FAT4: variants seen among roughly 807,000 people sequenced by gnomAD.
FAT4 encodes FAT atypical cadherin 4, also known as protocadherin Fat 4.
In FAT4, 84 loss-of-function variants were observed where a neutral mutation model predicts 303.9. That is an observed-to-expected ratio of 0.28 (90% CI 0.23 to 0.33). The LOEUF (loss-of-function observed/expected upper bound fraction) is 0.33. FAT4 is among the 10% of genes least tolerant of loss of function. The pLI, the probability that FAT4 is intolerant of heterozygous loss-of-function variation, is 1.00. For missense variants in FAT4, 6,005 were observed against 6,146.8 expected (o/e 0.98, Z 0.77); for synonymous variants, 2,307 against 2,298.8 (o/e 1.00, Z -0.10).
At chr4:125,381,179 G>A (rs186940574) in intron 2 of FAT4, among the ~76,000 whole-genome samples, 1 of 152,280 alleles carries the variant, frequency 6.6e-6, no homozygotes, top group African/African-American at 2.4e-5. Flanking sequence ...TACCCAGTTA[G>A]TCAGTCTCTT....
At chr4:125,446,073 T>G (rs555340746) in intron 8 of FAT4, 1 of 412,780 alleles carries the variant, frequency 2.4e-6, no homozygotes, top group South Asian at 3.5e-5. Flanking sequence ...GAAGACTTCC[T>G]TGACATCACT....
At chr4:125,407,166 A>G (rs1202653052) in intron 4 of FAT4, 25 bp downstream of exon 4, 10 of 1,577,874 alleles carry the variant, frequency 6.3e-6, no homozygotes, top group African/African-American at 1.4e-5. Context: ...TCTTATGTGT[A>G]TTTTGCAAGA....
intron 8 of FAT4, among the ~76,000 whole-genome samples, chr4:125,435,467 T>A (rs2126045137): frequency 6.6e-6 from 1 of 152,316 alleles, no homozygotes; most frequent in South Asian, 2.1e-4. Flanking sequence ...TATACGGATA[T>A]GGTAATGAGC....
intron 7 of FAT4, among the ~76,000 whole-genome samples, chr4:125,425,274 A>G (rs889087603): frequency 6.6e-6 from 1 of 152,146 alleles, no homozygotes; most frequent in Non-Finnish European, 1.5e-5. Context: ...AAACTAAACA[A>G]CTTGTACTGC....
Position 125,491,064 on chromosome 4 carries a change from A to C in FAT4, c.14248A>C (p.Arg4750=). Residue 4750 remains arginine (R), a synonymous_variant, in exon 18 of 18, where the codon AGG becomes CGG. Transcript: ENST00000394329. ...CQPGIFNYAT[R]LGRRSKSPQA... is the part of the protein sequence containing the mutation. ...ACCTGGCATTTTCAACTATGCCACA[A>C]GGCTGGGAAGGAGAAGCAAGAGTCC... The C allele has an allele frequency of 6.2e-7, 1 of 1,614,204 alleles. No homozygotes were observed. The highest frequency in any genetic ancestry group is 8.5e-7 in the Non-Finnish European group (1 of 1,180,040).
At position 125,487,657 on chromosome 4, in the gene FAT4, A is replaced by G. The variant is rs1412119727; in HGVS notation, c.13084+51A>G. ...ACAAGGGAAGTAAAATTGTTCTTCA[A>G]AAAGTAATTGCTTTTTCTTGTGGCA... On this transcript the variant is annotated intron_variant, in intron 17 of 17. Transcript: ENST00000394329. 2.6e-6 allele frequency: 4 copies of G among 1,510,912 alleles called. 1 individual carries two copies. In the South Asian group the frequency reaches 5.5e-5, roughly 21 times the overall value. 93.6% of individuals were successfully genotyped at this position (1,510,912 alleles called of 1,614,324 possible).
intron 2 of FAT4, among the ~76,000 whole-genome samples, chr4:125,325,275 C>A (rs1263113494): frequency 6.6e-6 from 1 of 152,066 alleles, no homozygotes; most frequent in Non-Finnish European, 1.5e-5. Flanking sequence ...AAATATCAGG[C>A]ATTGATCATT....
At chr4:125,330,459 G>T (rs546537094) in intron 2 of FAT4, among the ~76,000 whole-genome samples, 1 of 152,302 alleles carries the variant, frequency 6.6e-6, no homozygotes, top group South Asian at 2.1e-4. Flanking sequence ...TCACTGAGGA[G>T]CTCAACCAAT....
chr4:125,410,137 T>A (rs1258084483), intron 5 of FAT4, among the ~76,000 whole-genome samples: 1 of 152,100 alleles, frequency 6.6e-6, no homozygotes, highest in Non-Finnish European at 1.5e-5. Context: ...AATACTTTCT[T>A]TAGAATTCAT....
At chr4:125,469,464 G>A (rs1394018815) in intron 12 of FAT4, among the ~76,000 whole-genome samples, 1 of 152,178 alleles carries the variant, frequency 6.6e-6, no homozygotes, top group Non-Finnish European at 1.5e-5. Context: ...ACCCACAGAT[G>A]AAATTGTTTC....
At chr4:125,446,246 G>A (rs959713532) in intron 8 of FAT4, 47 bp from the exon 9 acceptor site, 34 of 1,479,498 alleles carry the variant, frequency 2.3e-5, no homozygotes, top group African/African-American at 1.1e-4. Flanking sequence ...TAGAAGTTAC[G>A]ATATTAAAAC....
intron 2 of FAT4, among the ~76,000 whole-genome samples, chr4:125,339,933 A>T (rs1252052371): frequency 6.6e-6 from 1 of 152,148 alleles, no homozygotes; most frequent in Non-Finnish European, 1.5e-5. Context: ...TAATTGTATA[A>T]TTGTATATGT....
intron 2 of FAT4, among the ~76,000 whole-genome samples, chr4:125,375,949 C>T (rs1013906525): frequency 2.6e-5 from 4 of 152,146 alleles, no homozygotes; most frequent in African/African-American, 9.7e-5. Flanking sequence ...GTTGTTGAGG[C>T]TTATAAAAGG....
At chr4:125,385,276 G>A (rs1289547682) in intron 2 of FAT4, among the ~76,000 whole-genome samples, 1 of 151,908 alleles carries the variant, frequency 6.6e-6, no homozygotes, top group East Asian at 1.9e-4. Flanking sequence ...ACCTGCCTCG[G>A]CCTCCCAAAG....
chr4:125,367,565 G>A (rs1732931188), intron 2 of FAT4, among the ~76,000 whole-genome samples: 1 of 152,088 alleles, frequency 6.6e-6, no homozygotes, highest in Non-Finnish European at 1.5e-5. Flanking sequence ...GAGTCAATAT[G>A]TAAATACACA....
intron 12 of FAT4, among the ~76,000 whole-genome samples, chr4:125,472,926 G>A (rs1052843252): frequency 2.0e-5 from 3 of 152,030 alleles, no homozygotes; most frequent in African/African-American, 4.8e-5. Context: ...AACAACAGAA[G>A]TATTGTATGG....
Position 125,480,258 on chromosome 4 carries a change from T to A in FAT4, c.12604+393T>A, listed in dbSNP as rs72675383. On this transcript the variant is annotated intron_variant, in intron 15 of 17. Coordinates refer to ENST00000394329, the MANE Select transcript of FAT4 (RefSeq NM_001291303.3). Reference sequence around the variant, plus strand: ...TGCATAAAAAGGTATACACACTAAATCACTCAACACTGAGATCAAAACATC... The same window carrying A: ...TGCATAAAAAGGTATACACACTAAAACACTCAACACTGAGATCAAAACATC... 3.3e-3 allele frequency among the ~76,000 whole-genome samples: 499 copies of A among 152,242 alleles called. 2 individuals are homozygous for A. The highest frequency in any genetic ancestry group is 5.3e-3 in the Non-Finnish European group (362 of 67,984).
At chr4:125,422,786 A>G (rs1724951879) in intron 7 of FAT4, among the ~76,000 whole-genome samples, 1 of 152,212 alleles carries the variant, frequency 6.6e-6, no homozygotes, top group Non-Finnish European at 1.5e-5. Flanking sequence ...AGAGACTGGA[A>G]CAGTTTGGAG....
chr4:125,319,403 C>G lies in FAT4; in HGVS notation c.2992C>G (p.Gln998Glu), dbSNP rs1452262247. The change falls in exon 2 of 18, where the codon CAA becomes GAA. Residue 998 changes from glutamine to glutamate, a missense_variant. Coordinates refer to ENST00000394329, the MANE Select transcript of FAT4 (RefSeq NM_001291303.3). Reference protein sequence around the residue: ...DVNDNSPVFDQLSYEVTLSES... With the variant: ...DVNDNSPVFDELSYEVTLSES... ...AAATGACAATTCACCAGTGTTTGAC[C>G]AACTCTCTTATGAAGTCACCCTTTC... 6.2e-7 allele frequency: 1 copy of G among 1,613,306 alleles called. No homozygotes were observed. The highest frequency in any genetic ancestry group is 8.5e-7 in the Non-Finnish European group (1 of 1,179,768).
Sources: allele counts gnomAD v4.1 joint callset (sites outside exome capture counted in the v4.1 genomes callset), GRCh38; gene constraint gnomAD v4.1.1; transcripts MANE v1.5; gene names NCBI Gene and HGNC (gene_info 2026-07-23, HGNC 2026-07-21).